Variants in GABRR3 observed in about 807,000 individuals in gnomAD.
GABRR3 encodes the protein gamma-aminobutyric acid receptor subunit rho-3.
GABRR3 carries 29 observed loss-of-function variants against 43.2 expected under a neutral mutation model. The observed-to-expected ratio is 0.67, with a 90% confidence interval of 0.50 to 0.92. GABRR3 has a LOEUF of 0.92. Among genes scored for constraint, GABRR3 ranks in the 40% least tolerant of loss-of-function variants. The pLI is 0.00. For missense variants in GABRR3, 576 were observed against 572.3 expected (o/e 1.01, Z -0.07); for synonymous variants, 206 against 195.9 (o/e 1.05, Z -0.43).
intron 7 of GABRR3, among the ~76,000 whole-genome samples, chr3:98,002,254 A>G (rs560025782): frequency 1.1e-4 from 17 of 152,318 alleles, no homozygotes; most frequent in African/African-American, 4.1e-4. Context: ...GAGAAAGAAA[A>G]CAGCATCCAT....
intron 3 of GABRR3, among the ~76,000 whole-genome samples, chr3:98,018,862 C>A (rs1212790606): frequency 1.3e-5 from 2 of 152,068 alleles, no homozygotes; most frequent in African/African-American, 4.8e-5. Flanking sequence ...GTTATCCCAG[C>A]ACTTTGGCAG....
At chr3:98,024,366 C>CAA (rs35090836) in intron 3 of GABRR3, among the ~76,000 whole-genome samples, 531 of 41,864 alleles carry the variant, frequency 0.013, 12 homozygotes, top group African/African-American at 0.023. Context: ...GACTCCGTCT[C>CAA]AAAAAAAAAA....
intron 4 of GABRR3, among the ~76,000 whole-genome samples, chr3:98,014,213 T>C (rs1219135360): frequency 6.6e-6 from 1 of 152,216 alleles, no homozygotes; most frequent in East Asian, 1.9e-4. Flanking sequence ...GTAAAGATGA[T>C]GTCCAGTTCT....
At chr3:98,013,076 A>C (rs968908581) in intron 4 of GABRR3, among the ~76,000 whole-genome samples, 17 of 152,224 alleles carry the variant, frequency 1.1e-4, no homozygotes, top group African/African-American at 4.1e-4. Flanking sequence ...CTATTCGTGT[A>C]AAGCAAGTTG....
intron 3 of GABRR3, among the ~76,000 whole-genome samples, chr3:98,023,267 A>AT (rs1706974165): frequency 6.6e-6 from 1 of 152,206 alleles, no homozygotes; most frequent in African/African-American, 2.4e-5. Context: ...AATAATCTCC[A>AT]TAAAAACCCT....
At chr3:98,003,074 A>G (rs906038522) in intron 7 of GABRR3, among the ~76,000 whole-genome samples, 1 of 152,172 alleles carries the variant, frequency 6.6e-6, no homozygotes, top group Admixed American at 6.5e-5. Flanking sequence ...AAACAATTTT[A>G]TTACCAGGAG....
chr3:97,998,699 T>C (rs1312209553), intron 8 of GABRR3: 1 of 152,104 alleles, frequency 6.6e-6, no homozygotes, highest in African/African-American at 2.4e-5. Flanking sequence ...TGCAATAGAC[T>C]GAATGAAGAA....
At position 98,015,419 on chromosome 3, in the gene GABRR3, C is replaced by T. The variant is rs13078343; in HGVS notation, c.306+2236G>A. 7.2e-3 allele frequency among the ~76,000 whole-genome samples: 1,093 copies of T among 152,300 alleles called. 4 individuals are homozygous for T. Among genetic ancestry groups the T allele is most frequent in the Non-Finnish European group, 0.011 (766 of 68,028 alleles). ...TCATGTTGGCCAGGCTGGTCTCGAA[C>T]TCCTGACCTCAAATGATCTGGCCAC... On this transcript the variant is annotated intron_variant, in intron 4 of 9. Coordinates refer to ENST00000621172, the Ensembl canonical transcript of GABRR3.
At chr3:98,020,949 C>T (rs964368615) in intron 3 of GABRR3, among the ~76,000 whole-genome samples, 3 of 150,146 alleles carry the variant, frequency 2.0e-5, no homozygotes, top group Non-Finnish European at 3.0e-5. Context: ...GCAACCTCCA[C>T]CTCCTGGGTT....
intron 6 of GABRR3, among the ~76,000 whole-genome samples, chr3:98,008,530 G>C (rs997659798): frequency 2.0e-5 from 3 of 152,128 alleles, no homozygotes; most frequent in African/African-American, 7.2e-5. Context: ...GCTTTGATTA[G>C]GGGGTCTATG....
At chr3:97,990,168 G>T (rs1706444151) in intron 9 of GABRR3, among the ~76,000 whole-genome samples, 1 of 152,240 alleles carries the variant, frequency 6.6e-6, no homozygotes. Context: ...CATTTGTATA[G>T]CACTTTATAT....
chr3:98,007,658 C>A (rs1215914284), intron 7 of GABRR3, 106 bp downstream of exon 7: 5 of 1,228,474 alleles, frequency 4.1e-6, no homozygotes, highest in Non-Finnish European at 5.8e-6. Context: ...TGGTGCTGGC[C>A]AAAGGGGACA....
intron 8 of GABRR3, among the ~76,000 whole-genome samples, chr3:97,996,711 A>G (rs1470050834): frequency 1.3e-5 from 2 of 152,220 alleles, no homozygotes; most frequent in African/African-American, 4.8e-5. Flanking sequence ...TAATTGTCTC[A>G]CACTCTCCAC....
intron 9 of GABRR3, among the ~76,000 whole-genome samples, chr3:97,992,409 C>T (rs1008628882): frequency 1.3e-5 from 2 of 152,146 alleles, no homozygotes; most frequent in Non-Finnish European, 2.9e-5. Flanking sequence ...TTTATTCCAC[C>T]TCTGTTAAAT....
At chr3:98,028,513 C>T (rs1707048802) in intron 2 of GABRR3, among the ~76,000 whole-genome samples, 2 of 152,164 alleles carry the variant, frequency 1.3e-5, no homozygotes, top group African/African-American at 4.8e-5. Flanking sequence ...AGTACAGCAT[C>T]ATCCGCTATC....
chr3:98,022,284 C>T (rs1341512269), intron 3 of GABRR3, among the ~76,000 whole-genome samples: 1 of 152,166 alleles, frequency 6.6e-6, no homozygotes, highest in African/African-American at 2.4e-5. Context: ...AAACAAAAAG[C>T]TCCCCTAAAT....
chr3:98,008,817 AAGAAG>A (rs2107237129), intron 6 of GABRR3, 134 bp downstream of exon 6: 1 of 351,842 alleles, frequency 2.8e-6, no homozygotes, highest in South Asian at 8.6e-5. Context: ...AAAAAAAAAA[AAGAAG>A]CCACAATTGT....
chr3:98,025,456 T>C, intron 3 of GABRR3, 111 bp downstream of exon 3: 1 of 636,578 alleles, frequency 1.6e-6, no homozygotes, highest in Non-Finnish European at 2.6e-6. Context: ...GCCTTCTTTT[T>C]TTGTTTTAAA....
intron 3 of GABRR3, among the ~76,000 whole-genome samples, chr3:98,021,647 TATTA>T (rs1706949586): frequency 2.0e-5 from 3 of 152,214 alleles, no homozygotes; most frequent in Admixed American, 2.0e-4. Flanking sequence ...TAGATAATTT[TATTA>T]ATTCAGTACC....
Sources: gnomAD v4.1 joint callset for allele counts (sites outside exome capture counted in the v4.1 genomes callset) on GRCh38, gnomAD v4.1.1 for gene constraint, MANE v1.5 for transcripts, NCBI Gene and HGNC (gene_info 2026-07-23, HGNC 2026-07-21) for gene names.